MYH15: variants seen among roughly 807,000 people sequenced by gnomAD.
MYH15 encodes myosin-15.
A neutral mutation model predicts 240.5 loss-of-function variants in MYH15; 227 were observed. The ratio of observed to expected loss-of-function variants is 0.94; its 90% CI spans 0.85 to 1.05. The LOEUF (loss-of-function observed/expected upper bound fraction) is 1.05. Among genes scored for constraint, MYH15 ranks in the 50% least tolerant of loss-of-function variants. The probability of loss-of-function intolerance (pLI) is 0.00; values close to 1 mark genes in which losing one functional copy is unlikely to be tolerated. For synonymous variants in MYH15, 785 were observed against 796.7 expected (o/e 0.99, Z 0.25); for missense variants, 2,217 against 2,247.5 (o/e 0.99, Z 0.27).
At chr3:108,545,760 A>C in the MYH15 span, among the ~76,000 whole-genome samples, 2 of 152,046 alleles carry the variant, frequency 1.3e-5, no homozygotes, top group Non-Finnish European at 2.9e-5. Flanking sequence ...CATTGTTTAC[A>C]AATAGTTTGG....
chr3:108,380,675 C>A lies in MYH15; in HGVS notation c.*870G>T. The A allele has an allele frequency of 6.5e-6, 1 of 152,676 alleles. No individual in the cohort carries two copies. The highest frequency in any genetic ancestry group is 1.5e-5 in the Non-Finnish European group (1 of 68,324). 9.5% of individuals were successfully genotyped at this position (152,676 alleles called of 1,614,324 possible). On this transcript the variant is annotated 3_prime_UTR_variant, in exon 41 of 41. Transcript: ENST00000693548. Reference sequence around the variant, plus strand: ...AGGAGGCTGGCAGGAGCTGGAAGAGCTCTGGGTCCAGGGAGCTGTCTCTGG... The same window carrying A: ...AGGAGGCTGGCAGGAGCTGGAAGAGATCTGGGTCCAGGGAGCTGTCTCTGG...
intron 1 of MYH15, among the ~76,000 whole-genome samples, chr3:108,509,479 T>C (rs2083505521): frequency 6.6e-6 from 1 of 152,340 alleles, no homozygotes; most frequent in East Asian, 1.9e-4. Context: ...TAAAATCCAA[T>C]CACAGTCATG....
At chr3:108,531,646 G>T (rs907734150), upstream of MYH15, among the ~76,000 whole-genome samples, 1 of 151,962 alleles carries the variant, frequency 6.6e-6, no homozygotes, top group African/African-American at 2.4e-5. Context: ...CAGGCCTGGT[G>T]GGCACCCATA....
chr3:108,489,251 GTGAATACACAGGGT>G lies in MYH15; in HGVS notation c.872-2739_872-2726del, dbSNP rs1465625120. On this transcript the variant is annotated intron_variant, in intron 9 of 40. Coordinates refer to ENST00000693548, the MANE Select transcript of MYH15 (RefSeq NM_014981.3). Reference sequence around the variant, plus strand: ...GCACAATTGTTGTATACTTTATGAAGTGAATACACAGGGTTGAGGCCAAATGTCAAGGATTCCAG... The same window carrying G: ...GCACAATTGTTGTATACTTTATGAAGTGAGGCCAAATGTCAAGGATTCCAG... Among the ~76,000 whole-genome samples the G allele has an allele frequency of 8.5e-5, 13 of 152,312 alleles. No homozygotes were observed. The South Asian group carries it at 1.4e-3, about 17-fold the overall frequency.
the MYH15 span, among the ~76,000 whole-genome samples, chr3:108,545,988 C>T: frequency 2.0e-5 from 3 of 152,114 alleles, no homozygotes; most frequent in Non-Finnish European, 4.4e-5. Context: ...AGATAAATTG[C>T]TAGAAGTGAA....
At chr3:108,406,819 C>A (rs576724773) in intron 32 of MYH15, among the ~76,000 whole-genome samples, 1 of 152,078 alleles carries the variant, frequency 6.6e-6, no homozygotes, top group Non-Finnish European at 1.5e-5. Context: ...TCATTCTCAC[C>A]CTTGACCCAC....
At chr3:108,444,593 G>A (rs374692578) in intron 22 of MYH15, 47 bp downstream of exon 22, 6 of 1,597,724 alleles carry the variant, frequency 3.8e-6, no homozygotes, top group Non-Finnish European at 5.1e-6. Context: ...TAACAAGGGA[G>A]TCTAATTAAA....
chr3:108,511,912 C>T (rs571951931), upstream of MYH15, among the ~76,000 whole-genome samples: 76 of 152,272 alleles, frequency 5.0e-4, no homozygotes, highest in African/African-American at 1.8e-3. Context: ...TGATTTAAAG[C>T]AAAGCCTACT....
chr3:108,457,704 G>A (rs577866854), intron 18 of MYH15, among the ~76,000 whole-genome samples: 4 of 152,074 alleles, frequency 2.6e-5, no homozygotes, highest in Middle Eastern at 3.4e-3. Context: ...TTCTATACTC[G>A]AATCCCTTTC....
chr3:108,381,798 A>G (rs2082345376), intron 40 of MYH15, among the ~76,000 whole-genome samples: 1 of 152,188 alleles, frequency 6.6e-6, no homozygotes, highest in Non-Finnish European at 1.5e-5. Flanking sequence ...TTGTCTTGCC[A>G]ATGAAGGCAG....
intron 16 of MYH15, among the ~76,000 whole-genome samples, 160 bp from the exon 17 acceptor site, chr3:108,460,527 A>G (rs1218977394): frequency 6.6e-6 from 1 of 152,152 alleles, no homozygotes; most frequent in East Asian, 1.9e-4. Context: ...TTATCACAAA[A>G]TGTATATTTT....
intron 11 of MYH15, among the ~76,000 whole-genome samples, chr3:108,478,291 C>A (rs1017203866): frequency 5.9e-5 from 9 of 152,084 alleles, no homozygotes; most frequent in South Asian, 4.1e-4. Context: ...ATATATAATA[C>A]ATACATTGCT....
At chr3:108,432,721 T>C (rs1351358300) in intron 25 of MYH15, among the ~76,000 whole-genome samples, 1 of 152,184 alleles carries the variant, frequency 6.6e-6, no homozygotes, top group African/African-American at 2.4e-5. Flanking sequence ...GGTCATGGCT[T>C]CAGAGGGTGC....
chr3:108,431,777 C>T (rs1391292921), intron 25 of MYH15, among the ~76,000 whole-genome samples: 1 of 152,182 alleles, frequency 6.6e-6, no homozygotes, highest in Non-Finnish European at 1.5e-5. Context: ...AAGTTTGAAA[C>T]TCCCTAGAGA....
chr3:108,489,832 C>T (rs2083333364), intron 9 of MYH15, among the ~76,000 whole-genome samples: 1 of 152,090 alleles, frequency 6.6e-6, no homozygotes, highest in Non-Finnish European at 1.5e-5. Context: ...AAAATGTCCC[C>T]CAAAAGGACA....
the MYH15 span, among the ~76,000 whole-genome samples, chr3:108,537,513 T>C: frequency 6.6e-6 from 1 of 152,168 alleles, no homozygotes; most frequent in African/African-American, 2.4e-5. Flanking sequence ...ATTTTACCCA[T>C]ATAAAAGAGG....
chr3:108,397,817 G>A (rs2082473384), intron 35 of MYH15, among the ~76,000 whole-genome samples: 1 of 152,082 alleles, frequency 6.6e-6, no homozygotes, highest in Non-Finnish European at 1.5e-5. Context: ...TTTTTATCCT[G>A]GGATGCTGGG....
At chr3:108,413,836 CA>C (rs1290520022) in intron 30 of MYH15, among the ~76,000 whole-genome samples, 1 of 152,166 alleles carries the variant, frequency 6.6e-6, no homozygotes, top group East Asian at 1.9e-4. Flanking sequence ...ACCAGGGACA[CA>C]ACGACTTTGA....
intron 1 of MYH15, among the ~76,000 whole-genome samples, chr3:108,507,943 T>C (rs1291831665): frequency 1.3e-5 from 2 of 152,226 alleles, no homozygotes; most frequent in African/African-American, 4.8e-5. Context: ...AACCAAATGT[T>C]ATCACTTGAA....
Sources: allele counts gnomAD v4.1 joint callset (sites outside exome capture counted in the v4.1 genomes callset), GRCh38; gene constraint gnomAD v4.1.1; transcripts MANE v1.5; gene names NCBI Gene and HGNC (gene_info 2026-07-23, HGNC 2026-07-21).